Variants in SLC4A5 observed in about 807,000 individuals in gnomAD.
The protein encoded by SLC4A5 is electrogenic sodium bicarbonate cotransporter 4.
In SLC4A5, 96 loss-of-function variants were observed where a neutral mutation model predicts 120.4. That is an observed-to-expected ratio of 0.80 (90% CI 0.68 to 0.94). The LOEUF (loss-of-function observed/expected upper bound fraction) is 0.94. Among genes scored for constraint, SLC4A5 ranks in the 40% least tolerant of loss-of-function variants. SLC4A5 has a pLI of 0.00. For missense variants in SLC4A5, 1,259 were observed against 1,459.5 expected, an observed-to-expected ratio of 0.86 and a Z score of 2.24; for synonymous variants, 550 against 571.1, an observed-to-expected ratio of 0.96 and a Z score of 0.53.
At chr2:74,292,112 C>T (rs550363888) in intron 7 of SLC4A5, among the ~76,000 whole-genome samples, 1 of 152,312 alleles carries the variant, frequency 6.6e-6, no homozygotes, top group Non-Finnish European at 1.5e-5. Context: ...GTAATAATCA[C>T]GCCCCCCTCA....
At chr2:74,254,515 G>A (rs1455394032) in intron 14 of SLC4A5, 104 bp downstream of exon 14, 3 of 847,022 alleles carry the variant, frequency 3.5e-6, no homozygotes, top group African/African-American at 1.7e-5. Flanking sequence ...CTGGTACACA[G>A]TAGGTGCTCA....
At chr2:74,312,279 AT>A (rs1255723496) in intron 6 of SLC4A5, among the ~76,000 whole-genome samples, 2 of 146,732 alleles carry the variant, frequency 1.4e-5, no homozygotes, top group African/African-American at 5.1e-5. Context: ...GTGTATATGC[AT>A]TTTTTTTGAG....
intron 12 of SLC4A5, among the ~76,000 whole-genome samples, chr2:74,257,445 C>T (rs185880675): frequency 2.0e-4 from 31 of 152,118 alleles, no homozygotes; most frequent in Admixed American, 1.2e-3. Context: ...GGGCAGCCAC[C>T]GTCTCCGAGC....
intron 8 of SLC4A5, among the ~76,000 whole-genome samples, chr2:74,282,912 G>A (rs543025001): frequency 4.8e-4 from 73 of 152,326 alleles, no homozygotes; most frequent in Middle Eastern, 3.4e-3. Context: ...AGAGGCCCTC[G>A]TTCAGGGCGG....
intron 29 of SLC4A5, 136 bp from the exon 30 acceptor site, chr2:74,221,637 G>A: frequency 1.2e-6 from 1 of 841,516 alleles, no homozygotes; most frequent in Non-Finnish European, 1.9e-6. Context: ...CGGGGCCTCA[G>A]AGATGTGTGG....
intron 8 of SLC4A5, among the ~76,000 whole-genome samples, chr2:74,281,862 C>A (rs1671825148): frequency 6.6e-6 from 1 of 152,238 alleles, no homozygotes; most frequent in African/African-American, 2.4e-5. Context: ...CTCCCCGATT[C>A]TCTTTGACAT....
chr2:74,336,150 C>A (rs944962091), intron 3 of SLC4A5, among the ~76,000 whole-genome samples: 1 of 152,190 alleles, frequency 6.6e-6, no homozygotes, highest in Non-Finnish European at 1.5e-5. Flanking sequence ...TCACTACAGC[C>A]TTGACCTCCC....
intron 12 of SLC4A5, among the ~76,000 whole-genome samples, chr2:74,256,270 C>T (rs1241971671): frequency 6.6e-6 from 1 of 152,174 alleles, no homozygotes; most frequent in Non-Finnish European, 1.5e-5. Context: ...GGATGGCCTC[C>T]TTCAGGCTGA....
rs1673202071 is a variant in SLC4A5 at position 74,325,793 on chromosome 2, A to G, written c.-3+2327T>C. ...TCACAGAACCAGCCATGGTGGAGCCAGGGTTCAAACTGGATTCTTTTTGAT... is the reference window on the plus strand; with the variant it reads ...TCACAGAACCAGCCATGGTGGAGCCGGGGTTCAAACTGGATTCTTTTTGAT... On this transcript the variant is annotated intron_variant, in intron 5 of 30. Coordinates refer to ENST00000394019, the Ensembl canonical transcript of SLC4A5. Among the ~76,000 whole-genome samples the G allele has an allele frequency of 2.1e-5, 3 of 144,050 alleles. No individual in the cohort carries two copies. The Admixed American group carries it at 2.1e-4, about 10-fold the overall frequency. 94.5% of individuals were successfully genotyped at this position (144,050 alleles called of 152,430 possible).
At chr2:74,250,655 G>C in intron 16 of SLC4A5, 138 bp from the exon 17 acceptor site, 1 of 979,974 alleles carries the variant, frequency 1.0e-6, no homozygotes, top group Non-Finnish European at 1.5e-6. Flanking sequence ...CTTTCCACCA[G>C]AACATTTAGG....
At chr2:74,328,923 T>G (rs531740154) in intron 4 of SLC4A5, among the ~76,000 whole-genome samples, 2 of 152,346 alleles carry the variant, frequency 1.3e-5, no homozygotes, top group Admixed American at 1.3e-4. Flanking sequence ...TGTAAAATGC[T>G]CCAAGGTGAC....
chr2:74,239,441 T>G (rs767096839), exon 21 of SLC4A5: 3 of 1,614,118 alleles, frequency 1.9e-6, no homozygotes, highest in African/African-American at 1.3e-5. Context: ...TGGGATAAAC[T>G]TGCAGGAATT....
intron 25 of SLC4A5, 62 bp downstream of exon 25, chr2:74,231,174 C>A: frequency 1.3e-6 from 2 of 1,512,410 alleles, no homozygotes; most frequent in Non-Finnish European, 1.8e-6. Flanking sequence ...CCCCTCCCTG[C>A]CTAAGGCATC....
chr2:74,271,854 C>G (rs1230111840), intron 8 of SLC4A5, among the ~76,000 whole-genome samples: 2 of 151,930 alleles, frequency 1.3e-5, no homozygotes, highest in Non-Finnish European at 2.9e-5. Flanking sequence ...TCCCAGCGCT[C>G]TGGGAGGCTG....
rs139629287 is a variant in SLC4A5 at position 74,260,130 on chromosome 2, C to T, written c.812-487G>A. Among the ~76,000 whole-genome samples the T allele has an allele frequency of 5.3e-3, 814 of 152,274 alleles. 7 individuals carry two copies. Among genetic ancestry groups the T allele is most frequent in the Non-Finnish European group, 7.6e-3 (517 of 68,020 alleles). The stretch of plus-strand genomic sequence containing the variant: ...GGCAGAGGGAAGGAAGGTGGGCTTC[C>T]CATGAGAACAGTGATAGCCAATTAT... On this transcript the variant is annotated intron_variant, in intron 11 of 30. Coordinates refer to ENST00000394019, the Ensembl canonical transcript of SLC4A5.
intron 7 of SLC4A5, among the ~76,000 whole-genome samples, chr2:74,304,117 G>A (rs1453305491): frequency 6.6e-6 from 1 of 152,240 alleles, no homozygotes; most frequent in African/African-American, 2.4e-5. Context: ...CCAAAGTGCT[G>A]GGATTACAGG....
At chr2:74,225,030 T>G (rs1382392772) in intron 27 of SLC4A5, 35 bp from the exon 28 acceptor site, 24 of 1,595,160 alleles carry the variant, frequency 1.5e-5, no homozygotes, top group Non-Finnish European at 2.0e-5. Flanking sequence ...TTGTGAGAAT[T>G]TGGAGAAAAC....
chr2:74,272,284 C>T (rs112403445), intron 8 of SLC4A5, among the ~76,000 whole-genome samples: 117 of 152,106 alleles, frequency 7.7e-4, no homozygotes, highest in Non-Finnish European at 1.4e-3. Context: ...GGGGTTCATT[C>T]TGCTATATAC....
At chr2:74,291,910 C>T (rs1672184501) in intron 7 of SLC4A5, among the ~76,000 whole-genome samples, 1 of 152,158 alleles carries the variant, frequency 6.6e-6, no homozygotes, top group South Asian at 2.1e-4. Context: ...CAGGCCACAC[C>T]AAGTCAGGCC....
Sources: gnomAD v4.1 joint callset for allele counts (sites outside exome capture counted in the v4.1 genomes callset) on GRCh38, gnomAD v4.1.1 for gene constraint, MANE v1.5 for transcripts, NCBI Gene and HGNC (gene_info 2026-07-23, HGNC 2026-07-21) for gene names.